Variants in CBL observed in about 807,000 individuals in gnomAD.
CBL encodes the protein E3 ubiquitin-protein ligase CBL.
A neutral mutation model predicts 96.9 loss-of-function variants in CBL; 45 were observed. That is an observed-to-expected ratio of 0.46 (90% CI 0.37 to 0.60). The LOEUF (loss-of-function observed/expected upper bound fraction) is 0.60, where lower values mean the gene tolerates loss of function less well. Ranked by LOEUF, CBL falls within the 20% of genes least tolerant of loss-of-function variation. The pLI is 0.00. For missense variants in CBL, 1,024 were observed against 1,143.5 expected (o/e 0.90, Z 1.51); for synonymous variants, 420 against 426.8 (o/e 0.98, Z 0.20).
chr11:119,281,480 C>T (rs1451195401), intron 9 of CBL, among the ~76,000 whole-genome samples: 2 of 149,032 alleles, frequency 1.3e-5, no homozygotes, highest in Non-Finnish European at 3.0e-5. Flanking sequence ...TCCTTTCCCT[C>T]TGTCACCAAA....
In CBL at chr11:119,303,870, C is replaced by T. The variant is rs187325140; in HGVS notation, c.*4089C>T. ...CTGAGCTGCTACGTCCCTAATCCCC[C>T]TTGTTGGGAGGATTTTCGTATCACC... On this transcript the variant is annotated 3_prime_UTR_variant, in exon 16 of 16. Coordinates refer to ENST00000264033, the MANE Select transcript of CBL (RefSeq NM_005188.4). 3 of 233,730 alleles carry T rather than the reference C, an allele frequency of 1.3e-5. No homozygotes were observed. Among genetic ancestry groups the T allele is most frequent in the African/African-American group, 2.2e-5 (1 of 45,460 alleles). 14.5% of individuals were successfully genotyped at this position (233,730 alleles called of 1,614,324 possible).
rs1368426444 is a variant in CBL at position 119,285,005 on chromosome 11, C to G, written c.1468C>G (p.Gln490Glu). Residue 490 changes from glutamine to glutamate, a missense_variant, in exon 10 of 16, where the codon CAA becomes GAA. Transcript: ENST00000264033. ...GCCTTCTCCATTCTCCATGGCCCCACAAGCTTCCCTTCCCCCGGTGCCACC... is the reference window on the plus strand; with the variant it reads ...GCCTTCTCCATTCTCCATGGCCCCAGAAGCTTCCCTTCCCCCGGTGCCACC... The part of the protein sequence containing the change: ...RPPSPFSMAP[Q>E]ASLPPVPPRL... 18 of 1,614,084 alleles carry G rather than the reference C, an allele frequency of 1.1e-5. No homozygotes were observed. Among genetic ancestry groups the G allele is most frequent in the Non-Finnish European group, 1.5e-5 (18 of 1,180,040 alleles).
rs1191081048 is a variant in CBL, at chr11:119,277,861, A to G, written c.1095+17A>G. On this transcript the variant is annotated intron_variant, in intron 7 of 15. Coordinates refer to ENST00000264033, the MANE Select transcript of CBL (RefSeq NM_005188.4). ...GTGACCCAGGTGAGTTTTGTTTCAC[A>G]TGATAACCATATCACTGGACACAAG... 6.6e-6 allele frequency: 10 copies of G among 1,522,864 alleles called. No homozygotes were observed. The South Asian group carries it at 1.1e-4, about 17-fold the overall frequency. The allele number at this position is 1,522,864 out of a possible 1,614,324, so 94.3% of individuals were successfully genotyped here. A position where few individuals can be genotyped will look rare whatever the true frequency, so the allele number is the denominator to read the frequency against.
At position 119,306,646 on chromosome 11, in the gene CBL, A is replaced by G; in HGVS notation, c.*6865A>G. The stretch of plus-strand genomic sequence containing the variant: ...CTTAAAACTGGAGAGGCAGAGAACT[A>G]CTTATGAGTCTGTAGACCACGTGTT... On this transcript the variant is annotated 3_prime_UTR_variant, in exon 16 of 16. Coordinates refer to ENST00000264033, the MANE Select transcript of CBL (RefSeq NM_005188.4). 1 of 325,216 alleles carries G rather than the reference A, an allele frequency of 3.1e-6. No individual in the cohort carries two copies. The highest frequency in any genetic ancestry group is 5.6e-6 in the Non-Finnish European group (1 of 178,914). 20.1% of individuals were successfully genotyped at this position (325,216 alleles called of 1,614,324 possible).
At chr11:119,258,448 A>G (rs1056609155) in intron 2 of CBL, among the ~76,000 whole-genome samples, 1 of 152,034 alleles carries the variant, frequency 6.6e-6, no homozygotes, top group African/African-American at 2.4e-5. Flanking sequence ...ACACACTTTC[A>G]AAGGACCAGA....
Position 119,307,631 on chromosome 11 carries a change from C to T in CBL, c.*7850C>T, listed in dbSNP as rs1307226031. ...AGTTTTTCTATATAATGACATCTTACTTATCTTTTACCCTTTCCTCAGTTT... is the reference window on the plus strand; with the variant it reads ...AGTTTTTCTATATAATGACATCTTATTTATCTTTTACCCTTTCCTCAGTTT... On this transcript the variant is annotated 3_prime_UTR_variant, in exon 16 of 16. Transcript: ENST00000264033. The T allele has an allele frequency of 4.3e-6, 1 of 230,318 alleles. No homozygotes were observed. The highest frequency in any genetic ancestry group is 6.2e-5 in the East Asian group (1 of 16,178). 14.3% of individuals were successfully genotyped at this position (230,318 alleles called of 1,614,324 possible).
chr11:119,255,449 G>C (rs980505387), intron 2 of CBL, among the ~76,000 whole-genome samples: 10 of 152,062 alleles, frequency 6.6e-5, no homozygotes, highest in African/African-American at 2.4e-4. Context: ...TTTTTTCCCT[G>C]TATTATGTTA....
At chr11:119,255,181 T>C (rs947867610) in intron 2 of CBL, among the ~76,000 whole-genome samples, 1 of 151,886 alleles carries the variant, frequency 6.6e-6, no homozygotes, top group Non-Finnish European at 1.5e-5. Context: ...TTTACAGGAG[T>C]TGCTGACAAC....
At chr11:119,220,470 A>G (rs1257184046) in intron 1 of CBL, among the ~76,000 whole-genome samples, 4 of 152,210 alleles carry the variant, frequency 2.6e-5, no homozygotes, top group Non-Finnish European at 5.9e-5. Flanking sequence ...GGTGTGGCAC[A>G]TGCCTGTAGT....
At chr11:119,292,230 T>G (rs930001330) in intron 12 of CBL, among the ~76,000 whole-genome samples, 3 of 152,186 alleles carry the variant, frequency 2.0e-5, no homozygotes, top group African/African-American at 7.2e-5. Context: ...GTGATATGTT[T>G]AATCAGTTTT....
chr11:119,217,750 A>C (rs1208450580), intron 1 of CBL, among the ~76,000 whole-genome samples: 4 of 152,062 alleles, frequency 2.6e-5, no homozygotes, highest in Non-Finnish European at 4.4e-5. Flanking sequence ...GATGTTCTTC[A>C]ACTATGAAGG....
chr11:119,296,461 C>A (rs992824210), intron 12 of CBL, among the ~76,000 whole-genome samples: 1 of 152,172 alleles, frequency 6.6e-6, no homozygotes, highest in Non-Finnish European at 1.5e-5. Context: ...CTTTATCTCT[C>A]TCTATTTTAA....
intron 2 of CBL, among the ~76,000 whole-genome samples, chr11:119,252,738 G>A (rs549456227): frequency 2.1e-5 from 3 of 143,672 alleles, no homozygotes; most frequent in African/African-American, 5.2e-5. Context: ...ACTTAGCTGG[G>A]CGTGGTGGTA....
At chr11:119,244,086 A>AT (rs1348355930) in intron 2 of CBL, among the ~76,000 whole-genome samples, 6 of 152,208 alleles carry the variant, frequency 3.9e-5, no homozygotes, top group African/African-American at 1.2e-4. Context: ...AACAGCACGA[A>AT]TTCACAAGAA....
At chr11:119,239,413 T>G (rs1949568793) in intron 2 of CBL, among the ~76,000 whole-genome samples, 1 of 152,228 alleles carries the variant, frequency 6.6e-6, no homozygotes, top group South Asian at 2.1e-4. Flanking sequence ...GGTTCATATA[T>G]AGAAACATAG....
intron 1 of CBL, among the ~76,000 whole-genome samples, chr11:119,216,591 C>T (rs556065371): frequency 2.6e-5 from 4 of 152,000 alleles, no homozygotes; most frequent in South Asian, 2.1e-4. Context: ...AGGATGGTCT[C>T]GATCTCTTGA....
At chr11:119,294,912 T>G (rs971809411) in intron 12 of CBL, among the ~76,000 whole-genome samples, 1 of 152,220 alleles carries the variant, frequency 6.6e-6, no homozygotes, top group Non-Finnish European at 1.5e-5. Flanking sequence ...CATTCTTCCT[T>G]GTATGAAATC....
At chr11:119,282,059 C>T (rs1010728488) in intron 9 of CBL, among the ~76,000 whole-genome samples, 1 of 151,882 alleles carries the variant, frequency 6.6e-6, no homozygotes, top group Non-Finnish European at 1.5e-5. Context: ...ATATTGCGGC[C>T]GGGTGCGGTG....
chr11:119,253,983 T>G, intron 2 of CBL, among the ~76,000 whole-genome samples: 1 of 127,824 alleles, frequency 7.8e-6, no homozygotes, highest in Non-Finnish European at 1.6e-5. Context: ...AGTGAGACCT[T>G]GACTCAAAAA....
Sources: allele counts gnomAD v4.1 joint callset (sites outside exome capture counted in the v4.1 genomes callset), GRCh38; gene constraint gnomAD v4.1.1; transcripts MANE v1.5; gene names NCBI Gene and HGNC (gene_info 2026-07-23, HGNC 2026-07-21).